Variants in SDK1 observed in about 807,000 individuals in gnomAD.
SDK1 encodes protein sidekick-1.
A neutral mutation model predicts 245.5 loss-of-function variants in SDK1; 157 were observed. The ratio of observed to expected loss-of-function variants is 0.64; its 90% CI spans 0.56 to 0.73. SDK1 has a LOEUF of 0.73. SDK1 is among the 30% of genes least tolerant of loss of function. The pLI is 0.00. For synonymous variants in SDK1, 1,647 were observed against 1,278.5 expected (o/e 1.29, Z -6.15); for missense variants, 3,583 against 3,002.3 (o/e 1.19, Z -4.52).
At chr7:3,565,269 T>A (rs1472304982) in intron 1 of SDK1, among the ~76,000 whole-genome samples, 1 of 152,104 alleles carries the variant, frequency 6.6e-6, no homozygotes, top group African/African-American at 2.4e-5. Context: ...GCATCTAAAT[T>A]GCATCCAGAA....
intron 28 of SDK1, among the ~76,000 whole-genome samples, chr7:4,135,910 G>A (rs907122350): frequency 6.6e-6 from 1 of 152,216 alleles, no homozygotes; most frequent in Non-Finnish European, 1.5e-5. Flanking sequence ...TGCAGCAGTG[G>A]TGTGCTGCCT....
intron 13 of SDK1, among the ~76,000 whole-genome samples, chr7:3,982,666 C>T (rs1406618115): frequency 6.6e-6 from 1 of 151,950 alleles, no homozygotes; most frequent in Admixed American, 6.6e-5. Context: ...TGGTGCAACC[C>T]CATCTCCACT....
chr7:3,795,461 G>A (rs948899908), intron 4 of SDK1, among the ~76,000 whole-genome samples: 6 of 152,058 alleles, frequency 3.9e-5, no homozygotes, highest in African/African-American at 7.2e-5. Flanking sequence ...TATAAAGTGC[G>A]CTGAACTCCT....
At chr7:3,509,072 G>T (rs1204954799) in intron 1 of SDK1, among the ~76,000 whole-genome samples, 3 of 142,078 alleles carry the variant, frequency 2.1e-5, no homozygotes, top group Non-Finnish European at 4.6e-5. Flanking sequence ...GGTGGGGTGT[G>T]TGTGTGTGTG....
chr7:3,903,904 A>G (rs1469864008), intron 5 of SDK1, among the ~76,000 whole-genome samples: 3 of 151,904 alleles, frequency 2.0e-5, no homozygotes, highest in Non-Finnish European at 4.4e-5. Flanking sequence ...AGAGCCTTGC[A>G]CCTCCTAGAC....
chr7:3,573,977 T>G (rs1043758649), intron 1 of SDK1, among the ~76,000 whole-genome samples: 4 of 152,120 alleles, frequency 2.6e-5, no homozygotes, highest in South Asian at 4.1e-4. Flanking sequence ...CAGGGCTGTA[T>G]TTTACATATC....
intron 4 of SDK1, among the ~76,000 whole-genome samples, chr7:3,775,846 G>C (rs960942542): frequency 6.6e-6 from 1 of 152,132 alleles, no homozygotes; most frequent in African/African-American, 2.4e-5. Context: ...AAAGTGCTGG[G>C]ATTACAGGCG....
intron 16 of SDK1, among the ~76,000 whole-genome samples, chr7:4,016,040 C>G (rs1562673000): frequency 6.6e-6 from 1 of 152,252 alleles, no homozygotes. Context: ...TGGGTTTCTT[C>G]TCTGCTTCGG....
At chr7:4,017,130 C>T (rs1162045115) in intron 16 of SDK1, 41 bp from the exon 17 acceptor site, 1 of 1,554,354 alleles carries the variant, frequency 6.4e-7, no homozygotes, top group Non-Finnish European at 8.7e-7. Context: ...TTCCTGGGTC[C>T]AGTTATTTCC....
At chr7:3,623,328 A>G (rs189271529) in intron 2 of SDK1, among the ~76,000 whole-genome samples, 2,707 of 149,982 alleles carry the variant, frequency 0.018, 45 homozygotes, top group Non-Finnish European at 0.023. Context: ...GCTCACTGCA[A>G]CCTTCGTCTC....
At chr7:4,024,225 A>G (rs1240162701) in intron 17 of SDK1, among the ~76,000 whole-genome samples, 2 of 152,270 alleles carry the variant, frequency 1.3e-5, no homozygotes, top group Non-Finnish European at 2.9e-5. Flanking sequence ...AAACATTAGT[A>G]AAAGCTCCTA....
At chr7:3,627,517 T>G (rs1277457621) in intron 2 of SDK1, among the ~76,000 whole-genome samples, 3 of 152,322 alleles carry the variant, frequency 2.0e-5, no homozygotes, top group East Asian at 3.9e-4. Context: ...ACTGCATGTT[T>G]CCGTGGTAGA....
intron 4 of SDK1, among the ~76,000 whole-genome samples, chr7:3,697,285 CTA>C (rs1784602328): frequency 6.6e-6 from 1 of 152,150 alleles, no homozygotes; most frequent in East Asian, 1.9e-4. Context: ...TTGTGTAGTG[CTA>C]ATTACTCATC....
chr7:3,971,395 A>T (rs568527555), intron 11 of SDK1, 71 bp from the exon 12 acceptor site: 1 of 1,013,772 alleles, frequency 9.9e-7, no homozygotes, highest in African/African-American at 1.6e-5. Flanking sequence ...TGACCAGGGC[A>T]TTATCCCCCC....
At chr7:3,691,048 T>C (rs1325544958) in intron 4 of SDK1, among the ~76,000 whole-genome samples, 1 of 152,170 alleles carries the variant, frequency 6.6e-6, no homozygotes, top group Non-Finnish European at 1.5e-5. Context: ...GAAGAAAAAA[T>C]TTTCAACTTA....
intron 5 of SDK1, among the ~76,000 whole-genome samples, chr7:3,916,033 G>T (rs1253129578): frequency 6.6e-6 from 1 of 152,188 alleles, no homozygotes; most frequent in Non-Finnish European, 1.5e-5. Flanking sequence ...AAGGTTGAGG[G>T]CACACCCAGG....
intron 1 of SDK1, among the ~76,000 whole-genome samples, chr7:3,422,839 C>T (rs1227109256): frequency 1.3e-5 from 2 of 152,138 alleles, no homozygotes; most frequent in Non-Finnish European, 2.9e-5. Context: ...AACAGCTGAT[C>T]TGATTTTCAG....
intron 1 of SDK1, among the ~76,000 whole-genome samples, chr7:3,493,278 C>A (rs1308300436): frequency 6.6e-6 from 1 of 152,176 alleles, no homozygotes; most frequent in African/African-American, 2.4e-5. Context: ...ATATGTCTGT[C>A]TGTCCATCCA....
At chr7:3,616,618 A>T (rs1198094489) in intron 1 of SDK1, among the ~76,000 whole-genome samples, 3 of 152,204 alleles carry the variant, frequency 2.0e-5, no homozygotes, top group Non-Finnish European at 4.4e-5. Flanking sequence ...GCAATTTAAT[A>T]TTTATTTATT....
Sources: gnomAD v4.1 joint callset for allele counts (sites outside exome capture counted in the v4.1 genomes callset) on GRCh38, gnomAD v4.1.1 for gene constraint, MANE v1.5 for transcripts, NCBI Gene and HGNC (gene_info 2026-07-23, HGNC 2026-07-21) for gene names.